KIRREL3: variants seen among roughly 807,000 people sequenced by gnomAD.
KIRREL3 encodes the protein kirre like nephrin family adhesion molecule 3.
In KIRREL3, 36 loss-of-function variants were observed where a neutral mutation model predicts 89.7. That is an observed-to-expected ratio of 0.40 (90% CI 0.31 to 0.53). KIRREL3 has a LOEUF of 0.53. KIRREL3 is among the 20% of genes least tolerant of loss of function. The probability of loss-of-function intolerance (pLI) is 0.49; values close to 1 mark genes in which losing one functional copy is unlikely to be tolerated. For synonymous variants in KIRREL3, 445 were observed against 441.4 expected, an observed-to-expected ratio of 1.01 and a Z score of -0.10; for missense variants, 864 against 1,056.6, an observed-to-expected ratio of 0.82 and a Z score of 2.53.
chr11:126,536,682 C>T (rs1251828437), intron 2 of KIRREL3, among the ~76,000 whole-genome samples: 3 of 126,428 alleles, frequency 2.4e-5, no homozygotes, highest in Admixed American at 1.9e-4. Flanking sequence ...CTCGTTCTGT[C>T]GCCCAGGCTA....
chr11:126,819,403 T>C (rs1186196250), intron 1 of KIRREL3, among the ~76,000 whole-genome samples: 1 of 152,120 alleles, frequency 6.6e-6, no homozygotes, highest in Non-Finnish European at 1.5e-5. Flanking sequence ...CAAAACAACA[T>C]GAATATTAAT....
At chr11:126,509,350 C>A (rs989997831) in intron 4 of KIRREL3, among the ~76,000 whole-genome samples, 1 of 152,182 alleles carries the variant, frequency 6.6e-6, no homozygotes, top group African/African-American at 2.4e-5. Flanking sequence ...CACGTCTCTG[C>A]CACCCTCCAA....
At chr11:126,781,342 G>A (rs1950319117) in intron 1 of KIRREL3, among the ~76,000 whole-genome samples, 1 of 152,104 alleles carries the variant, frequency 6.6e-6, no homozygotes, top group African/African-American at 2.4e-5. Flanking sequence ...GTTACAGAAA[G>A]CTTAGAAAAC....
intron 1 of KIRREL3, among the ~76,000 whole-genome samples, chr11:126,921,194 C>T (rs925710056): frequency 6.6e-6 from 1 of 152,184 alleles, no homozygotes; most frequent in African/African-American, 2.4e-5. Flanking sequence ...CTGGGACTCG[C>T]ACCAGGGGCT....
rs527494669 is a variant in KIRREL3, at chr11:126,609,480, G to A, written c.56-46568C>T. ...CCTTTGCAGCCTACCTGAAGTGAAT[G>A]TGAGGCCGAGAGGCTTCGTGAAAGG... On this transcript the variant is annotated intron_variant, in intron 1 of 16. Transcript: ENST00000525144. This position sits in a 1 kb window ranked among gnomAD's most constrained non-coding sequence, Gnocchi z 5.0. 6.6e-6 allele frequency among the ~76,000 whole-genome samples: 1 copy of A among 152,262 alleles called. No homozygotes were observed. The highest frequency in any genetic ancestry group is 2.4e-5 in the African/African-American group (1 of 41,550).
rs1426679756 is a variant in KIRREL3, at chr11:126,429,557, T to C, written c.1697-269A>G. On this transcript the variant is annotated intron_variant, in intron 14 of 16. Transcript: ENST00000525144. This position sits in a 1 kb window ranked among gnomAD's most constrained non-coding sequence, Gnocchi z 5.2. ...GCACCCTTGGCTTGAAAGATCGTCT[T>C]CAGCCACTTGTCCGCCTTACTGAGC... 6.6e-6 allele frequency among the ~76,000 whole-genome samples: 1 copy of C among 152,220 alleles called. No homozygotes were observed. Among genetic ancestry groups the C allele is most frequent in the African/African-American group, 2.4e-5 (1 of 41,466 alleles).
intron 1 of KIRREL3, among the ~76,000 whole-genome samples, chr11:126,826,470 C>T (rs180762541): frequency 1.4e-3 from 220 of 152,188 alleles, no homozygotes; most frequent in Non-Finnish European, 2.2e-3. Flanking sequence ...TCTCTCTGGC[C>T]TTCAGAGCAT....
intron 1 of KIRREL3, among the ~76,000 whole-genome samples, chr11:126,673,567 A>T (rs997281631): frequency 6.6e-6 from 1 of 152,210 alleles, no homozygotes; most frequent in Non-Finnish European, 1.5e-5. Context: ...TCCAAAATTC[A>T]TCTGTGTTTT....
intron 11 of KIRREL3, among the ~76,000 whole-genome samples, chr11:126,437,398 A>G (rs1194435035): frequency 1.3e-5 from 2 of 152,164 alleles, no homozygotes; most frequent in African/African-American, 2.4e-5. Context: ...TGCACCCACT[A>G]TAACACACAC....
chr11:126,478,960 C>CCTGG (rs1423907949), intron 4 of KIRREL3, among the ~76,000 whole-genome samples: 1 of 152,120 alleles, frequency 6.6e-6, no homozygotes, highest in Non-Finnish European at 1.5e-5. Flanking sequence ...GAGAGGGAAG[C>CCTGG]CTGGCTGAGG....
At position 126,535,939 on chromosome 11, in the gene KIRREL3, C is replaced by T. The variant is rs988066045; in HGVS notation, c.134-9252G>A. Among the ~76,000 whole-genome samples, 31 of 152,108 alleles carry T rather than the reference C, an allele frequency of 2.0e-4. No homozygotes were observed. Among genetic ancestry groups the T allele is most frequent in the African/African-American group, 6.7e-4 (28 of 41,494 alleles). ...GGCGGAGGTTGCAGTGAGCCAAGATCGCACCATTGCACTCCAGCCTAGGGG... is the reference window on the plus strand; with the variant it reads ...GGCGGAGGTTGCAGTGAGCCAAGATTGCACCATTGCACTCCAGCCTAGGGG... On this transcript the variant is annotated intron_variant, in intron 2 of 16. Coordinates refer to ENST00000525144, the MANE Select transcript of KIRREL3 (RefSeq NM_032531.4). The surrounding 1 kb of genome is among the most constrained non-coding windows in gnomAD (Gnocchi z 4.5).
At chr11:126,631,807 A>G (rs921511011) in intron 1 of KIRREL3, among the ~76,000 whole-genome samples, 2 of 152,224 alleles carry the variant, frequency 1.3e-5, no homozygotes, top group Non-Finnish European at 2.9e-5. Context: ...GCAGATGAAC[A>G]AGCTCTGTGA....
chr11:126,448,296 A>G (rs1205739159), intron 8 of KIRREL3, among the ~76,000 whole-genome samples: 1 of 151,226 alleles, frequency 6.6e-6, no homozygotes, highest in South Asian at 2.1e-4. Context: ...AAAAAAAAAA[A>G]AAAAAGAAAT....
chr11:126,529,492 A>G (rs543067156), intron 2 of KIRREL3, among the ~76,000 whole-genome samples: 41 of 151,772 alleles, frequency 2.7e-4, no homozygotes, highest in Admixed American at 5.9e-4. Context: ...GAGGGGGAGC[A>G]TCTCCCGATG....
intron 1 of KIRREL3, among the ~76,000 whole-genome samples, chr11:126,961,800 G>A (rs1198985547): frequency 1.3e-5 from 2 of 152,214 alleles, no homozygotes; most frequent in East Asian, 3.9e-4. Flanking sequence ...TGGCTTCAAA[G>A]TTTCAAAGGA....
intron 1 of KIRREL3, among the ~76,000 whole-genome samples, chr11:126,801,617 G>A (rs1049635774): frequency 6.6e-6 from 1 of 152,214 alleles, no homozygotes; most frequent in Non-Finnish European, 1.5e-5. Flanking sequence ...CTCACCAGCT[G>A]TGGGACCTTG....
At chr11:126,590,627 C>T (rs1942088520) in intron 1 of KIRREL3, among the ~76,000 whole-genome samples, 2 of 152,228 alleles carry the variant, frequency 1.3e-5, no homozygotes, top group Non-Finnish European at 2.9e-5. Flanking sequence ...GTGAAGGTCA[C>T]TGCCACTGTA....
At position 126,776,681 on chromosome 11, in the gene KIRREL3, G is replaced by A; in HGVS notation, c.56-213769C>T. 6.6e-6 allele frequency among the ~76,000 whole-genome samples: 1 copy of A among 152,230 alleles called. No homozygotes were observed. ...GATTGTGGGGTCACAGAAGTCAACT[G>A]TTAAAACCTTGTGGTAATCCAAAGA... is the stretch of plus-strand genomic sequence containing the variant. On this transcript the variant is annotated intron_variant, in intron 1 of 16. Transcript: ENST00000525144. The surrounding 1 kb of genome is among the most constrained non-coding windows in gnomAD (Gnocchi z 4.7).
chr11:126,444,905 C>T (rs1200331716), intron 10 of KIRREL3, 74 bp downstream of exon 10: 3 of 1,593,972 alleles, frequency 1.9e-6, no homozygotes, highest in South Asian at 1.1e-5. Flanking sequence ...TCCTTTGGGG[C>T]TATGCCTGGT....
Sources: allele counts gnomAD v4.1 joint callset (sites outside exome capture counted in the v4.1 genomes callset), GRCh38; gene constraint gnomAD v4.1.1; non-coding constraint Gnocchi (gnomAD v3.1); transcripts MANE v1.5; gene names NCBI Gene and HGNC (gene_info 2026-07-23, HGNC 2026-07-21).